The following ZNF654 variants were observed in gnomAD, a reference collection of about 807,000 sequenced individuals.
ZNF654 encodes the protein melanoma-associated antigen.
A neutral mutation model predicts 95.3 loss-of-function variants in ZNF654; 19 were observed. The ratio of observed to expected loss-of-function variants is 0.20; its 90% CI spans 0.14 to 0.29. The LOEUF (loss-of-function observed/expected upper bound fraction) is 0.29, where lower values mean the gene tolerates loss of function less well. ZNF654 is among the 10% of genes least tolerant of loss of function. The probability of loss-of-function intolerance (pLI) is 1.00; values close to 1 mark genes in which losing one functional copy is unlikely to be tolerated. For missense variants in ZNF654, 1,046 were observed against 1,341.0 expected (o/e 0.78, Z 3.44); for synonymous variants, 413 against 457.9 (o/e 0.90, Z 1.25).
chr3:88,099,509 G>A (rs1435014751), intron 2 of ZNF654, among the ~76,000 whole-genome samples: 10 of 151,950 alleles, frequency 6.6e-5, no homozygotes, highest in East Asian at 3.9e-4. Context: ...AAAAGAGCCC[G>A]CATTGCCAAG....
At chr3:88,089,191 T>TA (rs11328694) in intron 2 of ZNF654, among the ~76,000 whole-genome samples, 6,875 of 131,122 alleles carry the variant, frequency 0.052, 181 homozygotes, top group Admixed American at 0.079. Context: ...GCTTACGTAT[T>TA]AAAAAAAAAA....
chr3:88,128,064 A>G (rs1706225196), intron 4 of ZNF654, among the ~76,000 whole-genome samples: 2 of 152,292 alleles, frequency 1.3e-5, no homozygotes, highest in South Asian at 4.1e-4. Flanking sequence ...CTGCTCTGCC[A>G]CTTAATTATT....
chr3:88,097,218 T>C lies in ZNF654; in HGVS notation c.332+10816T>C, dbSNP rs552886223. On this transcript the variant is annotated intron_variant, in intron 2 of 8. Coordinates refer to ENST00000636215, the MANE Select transcript of ZNF654 (RefSeq NM_001350134.2). ...TTAATTGCTAGATCAAAGAGTGTAA[T>C]TTATCACTTATCACACATTTATACA... Among the ~76,000 whole-genome samples, 88 of 152,126 alleles carry C rather than the reference T, an allele frequency of 5.8e-4. 1 individual carries two copies. The highest frequency in any genetic ancestry group is 4.4e-4 in the Non-Finnish European group (30 of 68,012).
chr3:88,140,069 A>T lies in ZNF654; in HGVS notation c.2400A>T (p.Gln800His), dbSNP rs778486435. The change falls in exon 8 of 9, where the codon CAA (glutamine) becomes CAT (histidine). Residue 800 changes from glutamine (Q) to histidine (H), a missense_variant. By Grantham distance (24) the Gln-to-His change is conservative. This residue lies in a region of ZNF654 where 495 missense variants were observed against 537.0 expected (regional missense o/e 0.92). Coordinates refer to ENST00000636215, the MANE Select transcript of ZNF654 (RefSeq NM_001350134.2). The part of the protein sequence containing the change: ...KFCQRQFEDS[Q>H]HFIDHLNRHS... ...GTCAAAGGCAATTTGAAGATTCTCA[A>T]CATTTTATAGACCACCTTAATAGAC... is the stretch of plus-strand genomic sequence containing the variant. 2.5e-6 allele frequency: 4 copies of T among 1,613,720 alleles called. No homozygotes were observed. The highest frequency in any genetic ancestry group is 1.1e-5 in the South Asian group (1 of 91,076).
chr3:88,123,253 T>C (rs1705890278), intron 3 of ZNF654, among the ~76,000 whole-genome samples: 2 of 152,162 alleles, frequency 1.3e-5, no homozygotes, highest in East Asian at 3.9e-4. Context: ...GAAATCTTTA[T>C]TTCATCTGTT....
chr3:88,120,567 CA>C (rs1164114025), intron 3 of ZNF654, among the ~76,000 whole-genome samples: 2 of 152,056 alleles, frequency 1.3e-5, no homozygotes, highest in Non-Finnish European at 2.9e-5. Context: ...CAATAGAAGA[CA>C]AACATGAGTT....
At chr3:88,125,144 G>A (rs1048274778) in intron 3 of ZNF654, among the ~76,000 whole-genome samples, 1 of 151,698 alleles carries the variant, frequency 6.6e-6, no homozygotes, top group Non-Finnish European at 1.5e-5. Flanking sequence ...GAACCTGGGA[G>A]GCAGAGGTTG....
intron 2 of ZNF654, 143 bp from the exon 3 acceptor site, chr3:88,112,972 T>C (rs1489121671): frequency 1.7e-5 from 9 of 539,632 alleles, no homozygotes; most frequent in Non-Finnish European, 2.9e-5. Flanking sequence ...AAACATAATA[T>C]GAATTCTAGT....
rs1451647020 is a variant in ZNF654, at chr3:88,059,389, C to G, written c.70C>G (p.Pro24Ala). The change falls in exon 1 of 9, where the codon CCG becomes GCG. Residue 24 changes from proline (P) to alanine (A), a missense_variant. Around this residue, in one of 9 missense-constraint regions of ZNF654, gnomAD observed 89 missense variants for 77.9 expected, o/e 1.14. Transcript: ENST00000636215. ...AGAGCTTGTGGCCATTGTGGAGTCCCCGCTGGGCCCTGTGGGGCTTAGAGC... is the reference window on the plus strand; with the variant it reads ...AGAGCTTGTGGCCATTGTGGAGTCCGCGCTGGGCCCTGTGGGGCTTAGAGC... The part of the protein sequence containing the change: ...GEELVAIVES[P>A]LGPVGLRAAG... 19 of 1,535,142 alleles carry G rather than the reference C, an allele frequency of 1.2e-5. No homozygotes were observed. Among genetic ancestry groups the G allele is most frequent in the Non-Finnish European group, 1.2e-5 (14 of 1,146,680 alleles).
chr3:88,100,227 C>T (rs1279377762), intron 2 of ZNF654, among the ~76,000 whole-genome samples: 1 of 152,184 alleles, frequency 6.6e-6, no homozygotes, highest in African/African-American at 2.4e-5. Context: ...AAAAAATGCT[C>T]ATCATCACTG....
At chr3:88,077,905 G>T (rs1236070341) in intron 1 of ZNF654, among the ~76,000 whole-genome samples, 1 of 152,148 alleles carries the variant, frequency 6.6e-6, no homozygotes, top group Admixed American at 6.5e-5. Context: ...TGTATTTCAT[G>T]AGTCACCAAA....
At chr3:88,141,245 A>C (rs1476579715) in intron 8 of ZNF654, among the ~76,000 whole-genome samples, 197 bp downstream of exon 8, 1 of 152,142 alleles carries the variant, frequency 6.6e-6, no homozygotes, top group Non-Finnish European at 1.5e-5. Context: ...TAGATCAAGC[A>C]ACTGAAATTC....
chr3:88,099,579 A>G (rs1248575113), intron 2 of ZNF654, among the ~76,000 whole-genome samples: 3 of 152,230 alleles, frequency 2.0e-5, no homozygotes, highest in East Asian at 3.9e-4. Context: ...AAACTATACT[A>G]CAAGGCTACA....
intron 2 of ZNF654, chr3:88,095,878 A>C (rs9310073): frequency 0.97 from 431,106 of 443,292 alleles, 210,360 homozygotes; most frequent in Non-Finnish European, 1. Flanking sequence ...TCCACTTGCC[A>C]CTTAACCACA....
In ZNF654 at chr3:88,139,221, G is replaced by A; in HGVS notation, c.1552G>A (p.Val518Met). 6.8e-7 allele frequency: 1 copy of A among 1,477,030 alleles called. No homozygotes were observed. Among genetic ancestry groups the A allele is most frequent in the Non-Finnish European group, 9.0e-7 (1 of 1,116,970 alleles). 91.5% of individuals were successfully genotyped at this position (1,477,030 alleles called of 1,614,324 possible). ...GETDPDDVSG[V>M]QPKGHINTKK... is the part of the protein sequence containing the mutation. ...GACTGATCCTGATGATGTATCTGGA[G>A]TGCAGCCTAAAGGTCATATTAATAC... The change falls in exon 8 of 9, where the codon GTG (valine) becomes ATG (methionine). Residue 518 changes from valine to methionine, a missense_variant. By Grantham distance (21) the Val-to-Met change is conservative. Transcript: ENST00000636215.
At chr3:88,113,092 A>C in intron 2 of ZNF654, 23 bp from the exon 3 acceptor site, 8 of 1,473,618 alleles carry the variant, frequency 5.4e-6, no homozygotes, top group Non-Finnish European at 7.3e-6. Context: ...AAGCAATGAA[A>C]GTTATTCACT....
At chr3:88,122,372 G>T (rs867504751) in intron 3 of ZNF654, among the ~76,000 whole-genome samples, 3 of 152,268 alleles carry the variant, frequency 2.0e-5, no homozygotes, top group South Asian at 4.1e-4. Context: ...TTCATCCTAT[G>T]ATAAACTGCT....
intron 2 of ZNF654, among the ~76,000 whole-genome samples, chr3:88,091,854 A>G (rs1559703983): frequency 6.6e-6 from 1 of 152,190 alleles, no homozygotes; most frequent in Non-Finnish European, 1.5e-5. Context: ...CTCCTCAGCC[A>G]TGTAGAACTG....
At position 88,140,322 on chromosome 3, in the gene ZNF654, C is replaced by A. The variant is rs2107894984; in HGVS notation, c.2653C>A (p.Leu885Ile). 1 of 1,613,680 alleles carries A rather than the reference C, an allele frequency of 6.2e-7. No homozygotes were observed. The highest frequency in any genetic ancestry group is 8.5e-7 in the Non-Finnish European group (1 of 1,179,770). The change falls in exon 8 of 9, where the codon CTT becomes ATT. Residue 885 changes from leucine (L) to isoleucine (I), a missense_variant. By Grantham distance (5) the Leu-to-Ile change is conservative (BLOSUM62 2). Coordinates refer to ENST00000636215, the MANE Select transcript of ZNF654 (RefSeq NM_001350134.2). ...ESSAQPSETI[L>I]WDVQTDSNPN... is the part of the protein sequence containing the mutation. ...ATCTGCACAACCAAGTGAAACAATT[C>A]TTTGGGATGTTCAGACAGACTCAAA...
Sources: allele counts gnomAD v4.1 joint callset (sites outside exome capture counted in the v4.1 genomes callset), GRCh38; gene constraint gnomAD v4.1.1; regional missense constraint gnomAD v4.1.1; transcripts MANE v1.5; gene names NCBI Gene and HGNC (gene_info 2026-07-23, HGNC 2026-07-21).